POT1: variants seen among roughly 807,000 people sequenced by gnomAD.
POT1 encodes protection of telomeres protein 1.
Under a neutral mutation model 78.5 loss-of-function variants are expected in POT1, and 47 were observed. The ratio of observed to expected loss-of-function variants is 0.60; its 90% CI spans 0.47 to 0.76. POT1 has a LOEUF of 0.76. Among genes scored for constraint, POT1 ranks in the 30% least tolerant of loss-of-function variants. The probability of loss-of-function intolerance (pLI) is 0.00; values close to 1 mark genes in which losing one functional copy is unlikely to be tolerated. For missense variants in POT1, 646 were observed against 749.9 expected (o/e 0.86, Z 1.62); for synonymous variants, 259 against 260.7 (o/e 0.99, Z 0.06).
intron 6 of POT1, among the ~76,000 whole-genome samples, chr7:124,887,599 C>G (rs929119263): frequency 2.0e-5 from 3 of 152,018 alleles, no homozygotes; most frequent in African/African-American, 4.8e-5. Flanking sequence ...GCAACATGAT[C>G]ACAACTCCTG....
intron 17 of POT1, 46 bp from the exon 18 acceptor site, chr7:124,825,403 C>A (rs1794606537): frequency 8.4e-7 from 1 of 1,184,210 alleles, no homozygotes; most frequent in Non-Finnish European, 1.2e-6. Flanking sequence ...TAATATTAAT[C>A]CTTTTTAATG....
At chr7:124,916,468 G>A (rs1040236380) in intron 2 of POT1, among the ~76,000 whole-genome samples, 1 of 152,156 alleles carries the variant, frequency 6.6e-6, no homozygotes, top group Non-Finnish European at 1.5e-5. Flanking sequence ...CCATCAGAGA[G>A]TTGAGGTCAC....
Position 124,853,071 on chromosome 7 carries a change from G to T in POT1, c.770C>A (p.Thr257Lys). 1 of 1,609,758 alleles carries T rather than the reference G, an allele frequency of 6.2e-7. No individual in the cohort carries two copies. Among genetic ancestry groups the T allele is most frequent in the Non-Finnish European group, 8.5e-7 (1 of 1,176,324 alleles). ...KLQSMNSENQ[T>K]MLSLEFHLHG... Reference sequence around the variant, plus strand: ...AAGATGAAACTCTAAACTTAACATTGTCTGATTCTCTGAATTCATTGATTG... The same window carrying T: ...AAGATGAAACTCTAAACTTAACATTTTCTGATTCTCTGAATTCATTGATTG... The change falls in exon 10 of 19, where the codon ACA becomes AAA. Residue 257 changes from threonine (T) to lysine (K), a missense_variant. Thr to Lys is a moderately conservative substitution (Grantham distance 78). Coordinates refer to ENST00000357628, the MANE Select transcript of POT1 (RefSeq NM_015450.3).
chr7:124,850,480 C>T lies in POT1; in HGVS notation c.949+1392G>A, dbSNP rs564143240. On this transcript the variant is annotated intron_variant, in intron 11 of 18. Transcript: ENST00000357628. ...CAATGGCCTGTGCCTGTAATCCCAG[C>T]ACTTTGGGAGCCCGAGGCGGGCGGA... Among the ~76,000 whole-genome samples the T allele has an allele frequency of 1.2e-3, 176 of 152,288 alleles. 1 individual carries two copies. The highest frequency in any genetic ancestry group is 4.0e-3 in the African/African-American group (167 of 41,556).
chr7:124,855,980 T>C (rs185190628), intron 9 of POT1, among the ~76,000 whole-genome samples: 84 of 152,250 alleles, frequency 5.5e-4, no homozygotes, highest in African/African-American at 1.9e-3. Context: ...ACTGGGTCTG[T>C]GTAAAATGTT....
At chr7:124,861,313 G>A (rs897607007) in intron 8 of POT1, among the ~76,000 whole-genome samples, 1 of 152,076 alleles carries the variant, frequency 6.6e-6, no homozygotes, top group African/African-American at 2.4e-5. Flanking sequence ...GGCGTGAGAT[G>A]GTATCTCATT....
intron 11 of POT1, among the ~76,000 whole-genome samples, chr7:124,849,696 G>A (rs1471369787): frequency 6.6e-6 from 1 of 151,898 alleles, no homozygotes; most frequent in Admixed American, 6.6e-5. Context: ...ATTTGTAAGA[G>A]CAAAAAACTG....
chr7:124,904,967 C>A (rs1430988186), intron 3 of POT1, among the ~76,000 whole-genome samples: 9 of 152,188 alleles, frequency 5.9e-5, no homozygotes, highest in Admixed American at 5.9e-4. Flanking sequence ...AGGAGAACTA[C>A]AAATCACTGC....
chr7:124,873,267 CTAG>C (rs1795912880), intron 6 of POT1, among the ~76,000 whole-genome samples: 1 of 152,126 alleles, frequency 6.6e-6, no homozygotes, highest in African/African-American at 2.4e-5. Context: ...ATGTTTTCTT[CTAG>C]TAGGTTCATA....
In POT1 at chr7:124,844,752, A is replaced by C. The variant is rs1204377107; in HGVS notation, c.1007-1789T>G. ...CGCCTCAAAAAAAAAAAAAAAAAAA[A>C]AAAGGCCATTGGCAGACCTGATCAA... is the stretch of plus-strand genomic sequence containing the variant. On this transcript the variant is annotated intron_variant, in intron 12 of 18. Coordinates refer to ENST00000357628, the MANE Select transcript of POT1 (RefSeq NM_015450.3). Among the ~76,000 whole-genome samples, 3 of 151,476 alleles carry C rather than the reference A, an allele frequency of 2.0e-5. No homozygotes were observed. The East Asian group carries it at 5.9e-4, about 30-fold the overall frequency.
intron 3 of POT1, among the ~76,000 whole-genome samples, chr7:124,912,835 CAG>C (rs1167044852): frequency 1.3e-5 from 2 of 152,164 alleles, no homozygotes; most frequent in Non-Finnish European, 2.9e-5. Context: ...AGAAAGCCAA[CAG>C]AGGGCCACAG....
intron 7 of POT1, among the ~76,000 whole-genome samples, chr7:124,868,307 G>A (rs1795780518): frequency 6.6e-6 from 1 of 151,986 alleles, no homozygotes; most frequent in Non-Finnish European, 1.5e-5. Context: ...TGAAAATAGA[G>A]AAACAACTTT....
intron 3 of POT1, among the ~76,000 whole-genome samples, chr7:124,909,614 C>T (rs1343773727): frequency 6.6e-6 from 1 of 151,692 alleles, no homozygotes; most frequent in Non-Finnish European, 1.5e-5. Flanking sequence ...ATTTTAAAAG[C>T]AAGAAACCTT....
At position 124,835,317 on chromosome 7, in the gene POT1, T is replaced by C. The variant is rs768129420; in HGVS notation, c.1467A>G (p.Ser489=). Residue 489 remains serine (S), a synonymous_variant, in exon 15 of 19, where the codon TCA becomes TCG. Coordinates refer to ENST00000357628, the MANE Select transcript of POT1 (RefSeq NM_015450.3). ...TTGTTCCTTGTATAAGAAATGGTGC[T>C]GAAAGGTCCAAAAGTTCCAGGTCTT... is the stretch of plus-strand genomic sequence containing the variant. ...GHEDLELLDL[S]APFLIQGTIH... is the part of the protein sequence containing the mutation. 1 of 1,614,084 alleles carries C rather than the reference T, an allele frequency of 6.2e-7. No homozygotes were observed. The highest frequency in any genetic ancestry group is 1.1e-5 in the South Asian group (1 of 91,074).
At chr7:124,908,215 T>A (rs916199903) in intron 3 of POT1, among the ~76,000 whole-genome samples, 3 of 152,042 alleles carry the variant, frequency 2.0e-5, no homozygotes, top group Non-Finnish European at 4.4e-5. Context: ...AGAGTAAGGG[T>A]ACAGGCAGAA....
At chr7:124,858,918 T>TAAAAAAAAAA in intron 9 of POT1, 39 bp downstream of exon 9, 1 of 1,487,020 alleles carries the variant, frequency 6.7e-7, no homozygotes, top group East Asian at 2.3e-5. Flanking sequence ...CTATAATTTA[T>TAAAAAAAAAA]AAAAACATAA....
chr7:124,902,053 G>C (rs1361907162), intron 3 of POT1, among the ~76,000 whole-genome samples: 3 of 152,158 alleles, frequency 2.0e-5, no homozygotes, highest in Non-Finnish European at 2.9e-5. Flanking sequence ...CATTTGATTG[G>C]TGTACCTAAA....
chr7:124,849,652 A>C (rs1795256613), intron 11 of POT1, among the ~76,000 whole-genome samples: 1 of 152,196 alleles, frequency 6.6e-6, no homozygotes, highest in African/African-American at 2.4e-5. Flanking sequence ...AAAACATGGA[A>C]GTACATATAT....
chr7:124,900,494 A>C (rs2116652309), intron 3 of POT1, among the ~76,000 whole-genome samples: 1 of 152,208 alleles, frequency 6.6e-6, no homozygotes, highest in South Asian at 2.1e-4. Context: ...AAAGCCCTTA[A>C]AGTCCTGTAA....
Sources: allele counts gnomAD v4.1 joint callset (sites outside exome capture counted in the v4.1 genomes callset), GRCh38; gene constraint gnomAD v4.1.1; transcripts MANE v1.5; gene names NCBI Gene and HGNC (gene_info 2026-07-23, HGNC 2026-07-21).